The following FBXO11 variants were observed in gnomAD, a reference collection of about 807,000 sequenced individuals.
FBXO11 encodes F-box only protein 11.
Under a neutral mutation model 117.0 loss-of-function variants are expected in FBXO11, and 13 were observed. The ratio of observed to expected loss-of-function variants is 0.11; its 90% CI spans 0.07 to 0.18. FBXO11 has a LOEUF of 0.18. Among genes scored for constraint, FBXO11 ranks in the 10% least tolerant of loss-of-function variants. The probability of loss-of-function intolerance (pLI) is 1.00; values close to 1 mark genes in which losing one functional copy is unlikely to be tolerated. For synonymous variants in FBXO11, 490 were observed against 380.5 expected, an observed-to-expected ratio of 1.29 and a Z score of -3.35; for missense variants, 767 against 1,164.4, an observed-to-expected ratio of 0.66 and a Z score of 4.97.
chr2:47,837,269 G>A (rs1218820233), intron 4 of FBXO11, among the ~76,000 whole-genome samples: 1 of 152,216 alleles, frequency 6.6e-6, no homozygotes, highest in Non-Finnish European at 1.5e-5. Flanking sequence ...GCCCATGCCT[G>A]TAATCCCAGC....
At chr2:47,891,948 C>G (rs1677289044) in intron 1 of FBXO11, among the ~76,000 whole-genome samples, 1 of 152,106 alleles carries the variant, frequency 6.6e-6, no homozygotes, top group South Asian at 2.1e-4. Context: ...GTCTTTAGCT[C>G]ATTTTTAAAT....
intron 19 of FBXO11, 49 bp downstream of exon 19, chr2:47,810,267 A>G (rs1272144153): frequency 2.4e-6 from 3 of 1,232,868 alleles, no homozygotes; most frequent in East Asian, 2.4e-5. Flanking sequence ...CACATCAAAC[A>G]CTTTGCAGAA....
At chr2:47,874,247 T>C (rs1051187862) in intron 1 of FBXO11, among the ~76,000 whole-genome samples, 1 of 151,978 alleles carries the variant, frequency 6.6e-6, no homozygotes, top group African/African-American at 2.4e-5. Flanking sequence ...TATATAACTT[T>C]AAAATATACA....
chr2:47,834,469 T>C, intron 7 of FBXO11, 110 bp downstream of exon 7: 1 of 765,276 alleles, frequency 1.3e-6, no homozygotes, highest in African/African-American at 1.8e-5. Context: ...CATTCCTACT[T>C]TACCAGCAGG....
chr2:47,823,551 G>A (rs961973603), intron 11 of FBXO11, among the ~76,000 whole-genome samples, 191 bp from the exon 12 acceptor site: 1 of 152,008 alleles, frequency 6.6e-6, no homozygotes, highest in African/African-American at 2.4e-5. Flanking sequence ...AGGTCAAGAG[G>A]AGACCAGCCT....
intron 7 of FBXO11, among the ~76,000 whole-genome samples, chr2:47,833,641 G>C (rs17323817): frequency 0.022 from 3,299 of 152,254 alleles, 72 homozygotes; most frequent in Admixed American, 0.072. Context: ...CTCAGTGTTT[G>C]ACAGATATTA....
rs1673176316 is a variant in FBXO11 at position 47,843,592 on chromosome 2, T to A, written c.233-3823A>T. Among the ~76,000 whole-genome samples the A allele has an allele frequency of 2.0e-5, 3 of 152,352 alleles. No homozygotes were observed. In the South Asian group the frequency reaches 6.2e-4, roughly 32 times the overall value. ...TCATCTTCATTATGTAATGGCTTTC[T>A]TCATCACTAACAATGCTTTCTGCCT... On this transcript the variant is annotated intron_variant, in intron 1 of 22. Coordinates refer to ENST00000403359, the MANE Select transcript of FBXO11 (RefSeq NM_001190274.2).
At chr2:47,818,208 C>G (rs2104698191) in intron 16 of FBXO11, among the ~76,000 whole-genome samples, 1 of 152,152 alleles carries the variant, frequency 6.6e-6, no homozygotes, top group South Asian at 2.1e-4. Flanking sequence ...TGAGCACATG[C>G]TGCTGGAAAA....
At position 47,834,568 on chromosome 2, in the gene FBXO11, T is replaced by C; in HGVS notation, c.934+11A>G. On this transcript the variant is annotated intron_variant, in intron 7 of 22. Transcript: ENST00000403359. The stretch of plus-strand genomic sequence containing the variant: ...ATATTAAAATTTTAATGACAATGCA[T>C]TTCAAAATACCTGCACCAATCATGG... 6.5e-7 allele frequency: 1 copy of C among 1,532,870 alleles called. No homozygotes were observed. The allele number at this position is 1,532,870 out of a possible 1,614,324, so 95.0% of individuals were successfully genotyped here.
At chr2:47,851,768 T>C in intron 1 of FBXO11, among the ~76,000 whole-genome samples, 1 of 152,220 alleles carries the variant, frequency 6.6e-6, no homozygotes. Context: ...TAGAAATTTC[T>C]AGAAATGTCT....
At chr2:47,866,768 G>C (rs910475768) in intron 1 of FBXO11, among the ~76,000 whole-genome samples, 1 of 152,070 alleles carries the variant, frequency 6.6e-6, no homozygotes, top group African/African-American at 2.4e-5. Flanking sequence ...CACTGCGCCC[G>C]GCCTATGCTA....
chr2:47,859,388 G>A (rs1056839499), intron 1 of FBXO11, among the ~76,000 whole-genome samples: 1 of 152,160 alleles, frequency 6.6e-6, no homozygotes, highest in Admixed American at 6.5e-5. Context: ...AGTTAAGACT[G>A]AATTCAATTT....
intron 1 of FBXO11, among the ~76,000 whole-genome samples, chr2:47,876,078 T>A (rs1675982903): frequency 6.6e-6 from 1 of 152,218 alleles, no homozygotes; most frequent in Non-Finnish European, 1.5e-5. Flanking sequence ...AACTCCTTAA[T>A]GTCACACAGT....
At chr2:47,895,428 A>ATT (rs1677582564) in intron 1 of FBXO11, among the ~76,000 whole-genome samples, 1 of 152,220 alleles carries the variant, frequency 6.6e-6, no homozygotes, top group South Asian at 2.1e-4. Flanking sequence ...GGGGGGTTAC[A>ATT]TTTACATAAA....
At chr2:47,832,920 C>T in intron 8 of FBXO11, 40 bp from the exon 9 acceptor site, 2 of 1,603,740 alleles carry the variant, frequency 1.2e-6, no homozygotes, top group Non-Finnish European at 1.7e-6. Flanking sequence ...ACAATTACTG[C>T]CTTTATGATT....
In FBXO11 at chr2:47,828,459, T is replaced by C. The variant is rs368645831; in HGVS notation, c.1398+3890A>G. On this transcript the variant is annotated intron_variant, in intron 11 of 22. Coordinates refer to ENST00000403359, the MANE Select transcript of FBXO11 (RefSeq NM_001190274.2). ...CCTGTCTGTACTAAAAACACAAAAG[T>C]TAGCTGTGCGTGCTGGCAGGCATCT... Among the ~76,000 whole-genome samples the C allele has an allele frequency of 9.3e-4, 141 of 152,194 alleles. 1 individual carries two copies. The highest frequency in any genetic ancestry group is 3.2e-3 in the African/African-American group (132 of 41,534).
At chr2:47,860,388 C>T (rs551069686) in intron 1 of FBXO11, among the ~76,000 whole-genome samples, 110 of 151,412 alleles carry the variant, frequency 7.3e-4, no homozygotes, top group African/African-American at 2.6e-3. Flanking sequence ...AATCCTTAGC[C>T]TTAAGAATTA....
intron 1 of FBXO11, among the ~76,000 whole-genome samples, chr2:47,867,507 G>C (rs1057278522): frequency 2.6e-5 from 4 of 152,202 alleles, no homozygotes; most frequent in African/African-American, 9.7e-5. Context: ...ATGGAGGAGA[G>C]CCAAAAATAA....
intron 1 of FBXO11, among the ~76,000 whole-genome samples, chr2:47,878,826 C>T (rs946620472): frequency 6.6e-6 from 1 of 151,936 alleles, no homozygotes. Flanking sequence ...ACTAAAAATA[C>T]AGAAATTAGC....
Sources: gnomAD v4.1 joint callset for allele counts (sites outside exome capture counted in the v4.1 genomes callset) on GRCh38, gnomAD v4.1.1 for gene constraint, MANE v1.5 for transcripts, NCBI Gene and HGNC (gene_info 2026-07-23, HGNC 2026-07-21) for gene names.